RPGRIP1L: variants seen among roughly 807,000 people sequenced by gnomAD.
The protein encoded by RPGRIP1L is RPGRIP1 like.
A neutral mutation model predicts 160.4 loss-of-function variants in RPGRIP1L; 131 were observed. That is an observed-to-expected ratio of 0.82 (90% confidence interval 0.71 to 0.94). The LOEUF is 0.94. Among genes scored for constraint, RPGRIP1L ranks in the 40% least tolerant of loss-of-function variants. RPGRIP1L has a pLI of 0.00. For synonymous variants in RPGRIP1L, 510 were observed against 515.8 expected, an observed-to-expected ratio of 0.99 and a Z score of 0.15; for missense variants, 1,522 against 1,535.8, an observed-to-expected ratio of 0.99 and a Z score of 0.15.
intron 15 of RPGRIP1L, 55 bp downstream of exon 15, chr16:53,652,480 G>A (rs373364718): frequency 2.2e-6 from 3 of 1,355,298 alleles, no homozygotes; most frequent in Admixed American, 1.7e-5. Flanking sequence ...GTACCATAAC[G>A]ATATATAAAC....
intron 22 of RPGRIP1L, among the ~76,000 whole-genome samples, chr16:53,627,562 C>T (rs907171978): frequency 6.6e-6 from 1 of 152,132 alleles, no homozygotes; most frequent in Non-Finnish European, 1.5e-5. Context: ...CCCTCCCTTC[C>T]TCATTCCCCC....
At chr16:53,680,881 T>C (rs1969555462) in intron 6 of RPGRIP1L, among the ~76,000 whole-genome samples, 1 of 151,814 alleles carries the variant, frequency 6.6e-6, no homozygotes, top group African/African-American at 2.4e-5. Flanking sequence ...ATGAGAGATG[T>C]TGAGAGAAGA....
Position 53,601,378 on chromosome 16 carries a change from A to G in RPGRIP1L, c.*698T>C, listed in dbSNP as rs545786772. ...ATATATACATCCCTGGGTCACCATT[A>G]CAAATGTATGAAAATAATACAAATA... On this transcript the variant is annotated 3_prime_UTR_variant, in exon 27 of 27. Coordinates refer to ENST00000647211, the MANE Select transcript of RPGRIP1L (RefSeq NM_015272.5). 2.4e-4 allele frequency: 36 copies of G among 152,720 alleles called. No homozygotes were observed. Among genetic ancestry groups the G allele is most frequent in the Admixed American group, 2.3e-3 (35 of 15,312 alleles). The allele number at this position is 152,720 out of a possible 1,614,324, so 9.5% of individuals were successfully genotyped here. A position where few individuals can be genotyped will look rare whatever the true frequency, so the allele number is the denominator to read the frequency against.
intron 6 of RPGRIP1L, among the ~76,000 whole-genome samples, chr16:53,684,633 C>T (rs1477242446): frequency 2.0e-5 from 3 of 151,820 alleles, no homozygotes; most frequent in Non-Finnish European, 4.4e-5. Flanking sequence ...AGGAGATATA[C>T]CTAATGCTAA....
intron 26 of RPGRIP1L, among the ~76,000 whole-genome samples, chr16:53,605,174 GA>G (rs893132923): frequency 5.4e-4 from 76 of 141,390 alleles, no homozygotes; most frequent in Admixed American, 6.3e-4. Flanking sequence ...CTCTGTCTCA[GA>G]AAAAAAAAAA....
chr16:53,651,201 A>C (rs1451896931), intron 15 of RPGRIP1L, among the ~76,000 whole-genome samples: 1 of 152,208 alleles, frequency 6.6e-6, no homozygotes. Context: ...TCATGCCAGA[A>C]ATTCTTACTT....
intron 9 of RPGRIP1L, among the ~76,000 whole-genome samples, chr16:53,671,047 T>C (rs1968673655): frequency 6.6e-6 from 1 of 152,120 alleles, no homozygotes. Flanking sequence ...CAGTGAGCCA[T>C]GATTGTGCCA....
rs142234650 is a variant in RPGRIP1L, at chr16:53,641,388, C to T, written c.2771G>A (p.Ser924Asn). 3 of 1,614,056 alleles carry T rather than the reference C, an allele frequency of 1.9e-6. No individual in the cohort carries two copies. The highest frequency in any genetic ancestry group is 2.5e-6 in the Non-Finnish European group (3 of 1,179,962). Reference protein sequence around the residue: ...LKWKFAYLPPSGSITTEDLGN... With the variant: ...LKWKFAYLPPNGSITTEDLGN... ...TAAGTCTTCAGTTGTTATTGATCCA[C>T]TTGGTGGAAGGTAAGCAAATTTCCA... is the stretch of plus-strand genomic sequence containing the variant. The change falls in exon 18 of 27, where the codon AGT (serine) becomes AAT (asparagine). Residue 924 changes from serine (S) to asparagine (N), a missense_variant. Coordinates refer to ENST00000647211, the MANE Select transcript of RPGRIP1L (RefSeq NM_015272.5).
Position 53,671,803 on chromosome 16 carries a change from A to C in RPGRIP1L, c.1030-220T>G, listed in dbSNP as rs556691944. Among the ~76,000 whole-genome samples the C allele has an allele frequency of 3.9e-5, 6 of 152,264 alleles. No homozygotes were observed. The South Asian group carries it at 1.2e-3, about 32-fold the overall frequency. ...AACGTGAAATTAATATTCCTGTTTTAATTTAGTAGAAACGTATGCACTGCT... is the reference window on the plus strand; with the variant it reads ...AACGTGAAATTAATATTCCTGTTTTCATTTAGTAGAAACGTATGCACTGCT... On this transcript the variant is annotated intron_variant, in intron 8 of 26. Transcript: ENST00000647211.
Position 53,696,084 on chromosome 16 carries a change from T to A in RPGRIP1L, c.230+67A>T, listed in dbSNP as rs185164802. The A allele has an allele frequency of 3.1e-4, 463 of 1,497,626 alleles. 3 individuals carry two copies. The East Asian group carries it at 0.01, about 33-fold the overall frequency. 92.8% of individuals were successfully genotyped at this position (1,497,626 alleles called of 1,614,324 possible). On this transcript the variant is annotated intron_variant, in intron 3 of 26. Coordinates refer to ENST00000647211, the MANE Select transcript of RPGRIP1L (RefSeq NM_015272.5). ...TCAAGGTGGGGTATTCAATTAAGTT[T>A]ATAAAATACCATACCCTCCAAATTT...
At chr16:53,666,319 G>A (rs1257649971) in intron 9 of RPGRIP1L, among the ~76,000 whole-genome samples, 3 of 151,958 alleles carry the variant, frequency 2.0e-5, no homozygotes, top group Non-Finnish European at 4.4e-5. Flanking sequence ...TCTTCTATTA[G>A]TGTTCTCATT....
intron 26 of RPGRIP1L, among the ~76,000 whole-genome samples, chr16:53,602,427 T>C (rs996360507): frequency 2.6e-5 from 4 of 152,120 alleles, no homozygotes; most frequent in African/African-American, 9.7e-5. Flanking sequence ...AAGCTAATCC[T>C]GAAGTTTACC....
At chr16:53,629,484 TA>T (rs1965378748) in intron 22 of RPGRIP1L, among the ~76,000 whole-genome samples, 1 of 152,198 alleles carries the variant, frequency 6.6e-6, no homozygotes, top group South Asian at 2.1e-4. Context: ...CTTTGAGAAA[TA>T]TTGCTCTAAA....
At chr16:53,637,561 A>G in intron 21 of RPGRIP1L, 134 bp downstream of exon 21, 1 of 779,576 alleles carries the variant, frequency 1.3e-6, no homozygotes. Context: ...ACTATATTCT[A>G]TCATTTCTGT....
intron 14 of RPGRIP1L, among the ~76,000 whole-genome samples, chr16:53,654,124 C>T (rs570347701): frequency 1.5e-4 from 23 of 152,230 alleles, no homozygotes; most frequent in Admixed American, 1.3e-3. Flanking sequence ...CCACCACACT[C>T]GGCTAATTTT....
At chr16:53,666,250 A>G (rs961623449) in intron 9 of RPGRIP1L, among the ~76,000 whole-genome samples, 1 of 152,120 alleles carries the variant, frequency 6.6e-6, no homozygotes, top group Non-Finnish European at 1.5e-5. Context: ...TGCCTTTAAG[A>G]TAACATGACC....
intron 14 of RPGRIP1L, among the ~76,000 whole-genome samples, chr16:53,654,740 A>G (rs1433054387): frequency 6.6e-6 from 1 of 152,158 alleles, no homozygotes; most frequent in Non-Finnish European, 1.5e-5. Flanking sequence ...AATTGAGGGG[A>G]CAGATAAAAT....
chr16:53,624,409 C>T (rs1018460420), intron 22 of RPGRIP1L, among the ~76,000 whole-genome samples: 20 of 151,920 alleles, frequency 1.3e-4, no homozygotes, highest in Admixed American at 3.3e-4. Context: ...AAAAATTAGC[C>T]GGGCGTGGTG....
At chr16:53,662,643 T>A (rs887181134) in intron 10 of RPGRIP1L, among the ~76,000 whole-genome samples, 1 of 152,106 alleles carries the variant, frequency 6.6e-6, no homozygotes, top group Admixed American at 6.6e-5. Flanking sequence ...TTTTTTTGTG[T>A]ATTATTTCCT....
Sources: gnomAD v4.1 joint callset for allele counts (sites outside exome capture counted in the v4.1 genomes callset) on GRCh38, gnomAD v4.1.1 for gene constraint, MANE v1.5 for transcripts, NCBI Gene and HGNC (gene_info 2026-07-23, HGNC 2026-07-21) for gene names.